CCDC141: variants seen among roughly 807,000 people sequenced by gnomAD.
CCDC141 encodes the protein coiled-coil domain containing 141.
CCDC141 carries 168 observed loss-of-function variants against 181.0 expected under a neutral mutation model. The ratio of observed to expected loss-of-function variants is 0.93; its 90% CI spans 0.82 to 1.05. The LOEUF is 1.05. Among genes scored for constraint, CCDC141 ranks in the 50% least tolerant of loss-of-function variants. The pLI is 0.00. For synonymous variants in CCDC141, 666 were observed against 642.3 expected, an observed-to-expected ratio of 1.04 and a Z score of -0.56; for missense variants, 1,902 against 1,788.5, an observed-to-expected ratio of 1.06 and a Z score of -1.14.
In CCDC141 at chr2:178,958,003, G is replaced by A. The variant is rs1368072910; in HGVS notation, c.780+3227C>T. Among the ~76,000 whole-genome samples, 4 of 152,168 alleles carry A rather than the reference G, an allele frequency of 2.6e-5. No homozygotes were observed. In the East Asian group the frequency reaches 5.8e-4, roughly 22 times the overall value. ...CTATCAAGCCATGAAAGGACATGGA[G>A]GAAACTTGAATGCATATTACTAAAT... is the stretch of plus-strand genomic sequence containing the variant. On this transcript the variant is annotated intron_variant, in intron 5 of 23. Coordinates refer to ENST00000443758, the MANE Select transcript of CCDC141 (RefSeq NM_173648.4).
intron 7 of CCDC141, among the ~76,000 whole-genome samples, chr2:178,907,636 T>C (rs1376212578): frequency 6.6e-6 from 1 of 152,206 alleles, no homozygotes; most frequent in Non-Finnish European, 1.5e-5. Context: ...AACTCTTCTT[T>C]ATCTGATTCT....
chr2:178,877,740 C>G, intron 12 of CCDC141: 1 of 582,230 alleles, frequency 1.7e-6, no homozygotes, highest in Non-Finnish European at 3.0e-6. Flanking sequence ...CAGTCACTTT[C>G]TTCTTAATAG....
chr2:178,835,212 A>G (rs1332303239), intron 23 of CCDC141, among the ~76,000 whole-genome samples: 1 of 152,178 alleles, frequency 6.6e-6, no homozygotes, highest in Admixed American at 6.5e-5. Context: ...CAGTATCCAC[A>G]GGACAATACA....
chr2:178,907,855 C>A (rs1031094788), intron 7 of CCDC141, among the ~76,000 whole-genome samples: 1 of 151,908 alleles, frequency 6.6e-6, no homozygotes, highest in Non-Finnish European at 1.5e-5. Flanking sequence ...AAAAATTAGC[C>A]AGGTGTGGTA....
intron 6 of CCDC141, among the ~76,000 whole-genome samples, chr2:178,933,062 T>G (rs1689158447): frequency 6.6e-6 from 1 of 152,178 alleles, no homozygotes; most frequent in African/African-American, 2.4e-5. Context: ...AATCACTCAG[T>G]AACAACTAGA....
At chr2:178,941,861 G>A (rs1450382928) in intron 6 of CCDC141, among the ~76,000 whole-genome samples, 1 of 150,428 alleles carries the variant, frequency 6.6e-6, no homozygotes, top group Non-Finnish European at 1.5e-5. Flanking sequence ...TCGGGAGGCT[G>A]AGGTGGGAGA....
intron 4 of CCDC141, among the ~76,000 whole-genome samples, chr2:178,969,733 C>T (rs1050265971): frequency 2.0e-5 from 3 of 152,176 alleles, no homozygotes; most frequent in Non-Finnish European, 4.4e-5. Context: ...GATGTCCTCT[C>T]TCAACACTCC....
At chr2:178,906,369 A>G (rs537679399) in intron 7 of CCDC141, among the ~76,000 whole-genome samples, 1 of 152,348 alleles carries the variant, frequency 6.6e-6, no homozygotes, top group Non-Finnish European at 1.5e-5. Flanking sequence ...TACTGTGGGT[A>G]TATGAGGAGA....
At chr2:178,990,313 C>G (rs993847300) in intron 2 of CCDC141, among the ~76,000 whole-genome samples, 2 of 151,114 alleles carry the variant, frequency 1.3e-5, no homozygotes, top group African/African-American at 4.9e-5. Flanking sequence ...TACCATATGA[C>G]CAAGAAATTA....
chr2:178,849,553 C>T (rs1325506305), intron 21 of CCDC141, among the ~76,000 whole-genome samples: 1 of 152,190 alleles, frequency 6.6e-6, no homozygotes. Context: ...AACATATTCT[C>T]CATATTTGTT....
chr2:178,905,601 G>C, intron 7 of CCDC141, 100 bp from the exon 8 acceptor site: 1 of 1,089,872 alleles, frequency 9.2e-7, no homozygotes, highest in Non-Finnish European at 1.3e-6. Context: ...CAAACAATTT[G>C]TTAGTTTCAT....
At chr2:178,955,390 C>G (rs1575263433) in intron 5 of CCDC141, among the ~76,000 whole-genome samples, 1 of 151,964 alleles carries the variant, frequency 6.6e-6, no homozygotes. Context: ...TAAAATGATT[C>G]CTTGTTCATA....
intron 6 of CCDC141, among the ~76,000 whole-genome samples, chr2:178,935,635 T>C (rs1689255572): frequency 6.6e-6 from 1 of 152,192 alleles, no homozygotes; most frequent in African/African-American, 2.4e-5. Flanking sequence ...TCTGGGTATA[T>C]GCCCAGTAAT....
At chr2:178,845,117 A>G (rs948231135) in intron 22 of CCDC141, among the ~76,000 whole-genome samples, 5 of 152,128 alleles carry the variant, frequency 3.3e-5, no homozygotes, top group African/African-American at 9.7e-5. Flanking sequence ...TTTCAGCTGG[A>G]TTCTATGGTT....
chr2:178,994,679 A>G (rs114898843), intron 2 of CCDC141, among the ~76,000 whole-genome samples: 2,161 of 152,264 alleles, frequency 0.014, 41 homozygotes, highest in South Asian at 0.075. Flanking sequence ...TTTCTGTCGC[A>G]TTGTCAACCT....
chr2:178,862,971 T>C (rs1685686292), intron 17 of CCDC141, among the ~76,000 whole-genome samples: 3 of 152,126 alleles, frequency 2.0e-5, no homozygotes, highest in Admixed American at 2.0e-4. Flanking sequence ...TATCAGATCA[T>C]ACAAACATCT....
In CCDC141 at chr2:179,010,695, T is replaced by C. The variant is rs185004412; in HGVS notation, c.226-32020A>G. 2.3e-4 allele frequency among the ~76,000 whole-genome samples: 35 copies of C among 152,172 alleles called. No homozygotes were observed. In the East Asian group the frequency reaches 6.6e-3, roughly 29 times the overall value. On this transcript the variant is annotated intron_variant, in intron 2 of 23. Coordinates refer to ENST00000443758, the MANE Select transcript of CCDC141 (RefSeq NM_173648.4). ...TGGAAACACAACAAAACAGAACCTCTTTAAAGCATAAATCACATAGGACCT... is the reference window on the plus strand; with the variant it reads ...TGGAAACACAACAAAACAGAACCTCCTTAAAGCATAAATCACATAGGACCT...
intron 11 of CCDC141, among the ~76,000 whole-genome samples, 157 bp from the exon 12 acceptor site, chr2:178,878,300 T>TTTTATTTA (rs10694831): frequency 2.1e-5 from 3 of 142,964 alleles, no homozygotes; most frequent in Admixed American, 1.4e-4. Context: ...TATTTATTTA[T>TTTTATTTA]TTTATTTATT....
intron 4 of CCDC141, among the ~76,000 whole-genome samples, chr2:178,966,330 C>T (rs1344699144): frequency 6.6e-6 from 1 of 152,170 alleles, no homozygotes; most frequent in Non-Finnish European, 1.5e-5. Context: ...TGGGAGACAC[C>T]TCCCAGTAGG....
Sources: gnomAD v4.1 joint callset for allele counts (sites outside exome capture counted in the v4.1 genomes callset) on GRCh38, gnomAD v4.1.1 for gene constraint, MANE v1.5 for transcripts, NCBI Gene and HGNC (gene_info 2026-07-23, HGNC 2026-07-21) for gene names.